The following ADAMTS17 variants were observed in gnomAD, a reference collection of about 807,000 sequenced individuals.
ADAMTS17 encodes ADAM metallopeptidase with thrombospondin type 1 motif 17, also known as A disintegrin and metalloproteinase with thrombospondin motifs 17.
ADAMTS17 carries 113 observed loss-of-function variants against 141.5 expected under a neutral mutation model. The observed-to-expected ratio is 0.80, with a 90% CI of 0.69 to 0.93. The LOEUF (loss-of-function observed/expected upper bound fraction) is 0.93. ADAMTS17 is among the 40% of genes least tolerant of loss of function. ADAMTS17 has a pLI of 0.00. For synonymous variants in ADAMTS17, 768 were observed against 630.6 expected (o/e 1.22, Z -3.27); for missense variants, 1,659 against 1,517.9 (o/e 1.09, Z -1.54).
intron 13 of ADAMTS17, among the ~76,000 whole-genome samples, chr15:100,113,105 A>G (rs978786374): frequency 1.2e-4 from 19 of 152,098 alleles, no homozygotes; most frequent in Admixed American, 1.2e-3. Flanking sequence ...CGGCCCCCTC[A>G]TCAGTCCCCG....
intron 7 of ADAMTS17, among the ~76,000 whole-genome samples, chr15:100,207,812 G>C (rs1030126101): frequency 2.0e-5 from 3 of 152,120 alleles, no homozygotes; most frequent in African/African-American, 7.2e-5. Flanking sequence ...GCACCAGGGA[G>C]GGAGGTGAGA....
chr15:100,310,035 C>T lies in ADAMTS17; in HGVS notation c.616+20854G>A, dbSNP rs973279908. ...CAGATGCTCTTGTCACTGCAACAGC[C>T]GAGCCGTCCTCGAGGCTGGGAAATG... On this transcript the variant is annotated intron_variant, in intron 3 of 21. Transcript: ENST00000268070. 5.3e-5 allele frequency among the ~76,000 whole-genome samples: 8 copies of T among 152,200 alleles called. No individual in the cohort carries two copies. In the South Asian group the frequency reaches 6.2e-4, roughly 12 times the overall value.
chr15:100,283,231 C>G (rs1324957839), intron 3 of ADAMTS17, among the ~76,000 whole-genome samples: 1 of 152,232 alleles, frequency 6.6e-6, no homozygotes, highest in Non-Finnish European at 1.5e-5. Context: ...CCCATCTCCC[C>G]TGAAGCCTTC....
chr15:100,188,900 C>T (rs1337400043), intron 8 of ADAMTS17, among the ~76,000 whole-genome samples: 1 of 152,202 alleles, frequency 6.6e-6, no homozygotes, highest in Non-Finnish European at 1.5e-5. Context: ...AAAACACCCC[C>T]GCAGAAACAA....
intron 10 of ADAMTS17, among the ~76,000 whole-genome samples, chr15:100,142,425 G>C (rs763652998): frequency 6.6e-6 from 1 of 152,176 alleles, no homozygotes; most frequent in Non-Finnish European, 1.5e-5. Context: ...TATGGGAAGG[G>C]ACAGGCCCAT....
rs556542220 is a variant in ADAMTS17, at chr15:100,072,505, T to C, written c.2138-18451A>G. On this transcript the variant is annotated intron_variant, in intron 15 of 21. Coordinates refer to ENST00000268070, the MANE Select transcript of ADAMTS17 (RefSeq NM_139057.4). ...GGCATCACGCTACCTGACTTCAAAC[T>C]ATACTACAAGGCTACAGTAACCAAA... 4.0e-5 allele frequency among the ~76,000 whole-genome samples: 6 copies of C among 151,878 alleles called. No individual in the cohort carries two copies. The South Asian group carries it at 1.3e-3, about 32-fold the overall frequency.
intron 15 of ADAMTS17, among the ~76,000 whole-genome samples, chr15:100,087,292 A>T (rs2140974610): frequency 6.6e-6 from 1 of 152,358 alleles, no homozygotes; most frequent in South Asian, 2.1e-4. Context: ...AACCAGGAAG[A>T]AGTTGAATCT....
chr15:100,198,862 T>A (rs1464655609), intron 8 of ADAMTS17, among the ~76,000 whole-genome samples: 1 of 152,212 alleles, frequency 6.6e-6, no homozygotes, highest in Non-Finnish European at 1.5e-5. Context: ...AAGACTCTCA[T>A]CCACAGCTGT....
intron 18 of ADAMTS17, among the ~76,000 whole-genome samples, chr15:100,045,890 T>C (rs1162946050): frequency 6.6e-6 from 1 of 152,184 alleles, no homozygotes; most frequent in African/African-American, 2.4e-5. Context: ...AATTAATTAA[T>C]TAATTTTTGA....
intron 15 of ADAMTS17, among the ~76,000 whole-genome samples, chr15:100,066,542 G>C (rs1567116358): frequency 6.8e-6 from 1 of 146,380 alleles, no homozygotes; most frequent in African/African-American, 2.5e-5. Context: ...TAGGTCTCTT[G>C]GTTGTTGTAA....
At chr15:100,117,994 G>A (rs1471183392) in intron 12 of ADAMTS17, among the ~76,000 whole-genome samples, 1 of 152,148 alleles carries the variant, frequency 6.6e-6, no homozygotes, top group African/African-American at 2.4e-5. Context: ...TTCCTCCTTT[G>A]CCATTTTCCA....
intron 14 of ADAMTS17, among the ~76,000 whole-genome samples, chr15:100,102,722 C>A (rs1330523843): frequency 2.0e-5 from 3 of 152,172 alleles, no homozygotes; most frequent in Non-Finnish European, 4.4e-5. Context: ...AGGCTGGGCA[C>A]CGTCCTCAGC....
At chr15:100,303,876 C>T (rs2045129639) in intron 3 of ADAMTS17, among the ~76,000 whole-genome samples, 1 of 152,106 alleles carries the variant, frequency 6.6e-6, no homozygotes, top group South Asian at 2.1e-4. Context: ...GTGCATGCCG[C>T]CACGCCCGGC....
Position 100,152,359 on chromosome 15 carries a change from G to T in ADAMTS17, c.1473+253C>A, listed in dbSNP as rs550472510. ...TGTGGGGGACTGTGTGTAGATGTGT[G>T]CCTGCAACTGCATGTGTAGGTGTGT... is the stretch of plus-strand genomic sequence containing the variant. On this transcript the variant is annotated intron_variant, in intron 10 of 21. Coordinates refer to ENST00000268070, the MANE Select transcript of ADAMTS17 (RefSeq NM_139057.4). 1.0e-3 allele frequency among the ~76,000 whole-genome samples: 157 copies of T among 152,280 alleles called. 2 individuals are homozygous for T. The highest frequency in any genetic ancestry group is 6.8e-3 in the Middle Eastern group (2 of 294).
At chr15:100,156,599 G>T (rs890092818) in intron 8 of ADAMTS17, among the ~76,000 whole-genome samples, 15 of 152,214 alleles carry the variant, frequency 9.9e-5, no homozygotes, top group African/African-American at 3.4e-4. Flanking sequence ...AGTGACACTT[G>T]TTATTTCAAT....
chr15:100,212,231 C>T (rs1332802559), intron 7 of ADAMTS17, among the ~76,000 whole-genome samples: 1 of 152,166 alleles, frequency 6.6e-6, no homozygotes, highest in Admixed American at 6.5e-5. Flanking sequence ...TCACTGAACC[C>T]AGCCAGTCTG....
intron 8 of ADAMTS17, among the ~76,000 whole-genome samples, chr15:100,169,716 T>C (rs1321929769): frequency 2.0e-5 from 3 of 152,200 alleles, no homozygotes; most frequent in Admixed American, 2.0e-4. Context: ...CCTCAGGTAC[T>C]GTGAACTGCA....
intron 15 of ADAMTS17, among the ~76,000 whole-genome samples, chr15:100,061,219 T>C (rs911493917): frequency 3.9e-5 from 6 of 152,146 alleles, no homozygotes; most frequent in African/African-American, 1.2e-4. Flanking sequence ...CTGGCCATGA[T>C]TGGACAGAGT....
chr15:100,273,857 C>A (rs532959799), intron 4 of ADAMTS17, among the ~76,000 whole-genome samples: 115 of 152,236 alleles, frequency 7.6e-4, no homozygotes, highest in African/African-American at 2.7e-3. Flanking sequence ...TTGTCCTTGT[C>A]CCATAAGTTT....
Sources: gnomAD v4.1 joint callset for allele counts (sites outside exome capture counted in the v4.1 genomes callset) on GRCh38, gnomAD v4.1.1 for gene constraint, MANE v1.5 for transcripts, NCBI Gene and HGNC (gene_info 2026-07-23, HGNC 2026-07-21) for gene names.